SLC9D1: variants seen among roughly 807,000 people sequenced by gnomAD.
SLC9D1 encodes the protein solute carrier family 9 member D1.
At chr13:113,546,920 A>G in the SLC9D1 span, among the ~76,000 whole-genome samples, 1 of 151,742 alleles carries the variant, frequency 6.6e-6, no homozygotes. This position sits in a 1 kb window ranked among gnomAD's most constrained non-coding sequence, Gnocchi z 7.1. Flanking sequence ...TGAGCGTGGC[A>G]CTCCTGGGCA....
the SLC9D1 span, chr13:113,510,557 G>A: frequency 5.2e-6 from 4 of 772,662 alleles, no homozygotes; most frequent in African/African-American, 1.7e-5. Flanking sequence ...CCTAACCATG[G>A]TGGATACCAG....
the SLC9D1 span, among the ~76,000 whole-genome samples, chr13:113,526,866 T>C: frequency 6.6e-6 from 1 of 152,246 alleles, no homozygotes; most frequent in Non-Finnish European, 1.5e-5. Flanking sequence ...GTGTGCCATT[T>C]TTACCTTTGA....
the SLC9D1 span, among the ~76,000 whole-genome samples, chr13:113,520,094 C>A: frequency 6.6e-6 from 1 of 152,152 alleles, no homozygotes; most frequent in Non-Finnish European, 1.5e-5. Context: ...ACAAGTAAGT[C>A]GTGGAAGTAA....
At chr13:113,517,462 T>G in the SLC9D1 span, among the ~76,000 whole-genome samples, 1 of 152,124 alleles carries the variant, frequency 6.6e-6, no homozygotes, top group Admixed American at 6.5e-5. Context: ...TCTCCTGACC[T>G]CGTGATCCGC....
At chr13:113,543,154 CG>C in the SLC9D1 span, among the ~76,000 whole-genome samples, 1 of 78,882 alleles carries the variant, frequency 1.3e-5, no homozygotes, top group Non-Finnish European at 2.4e-5. Flanking sequence ...CCGTGCCCCC[CG>C]CCCTACCTCT....
chr13:113,516,502 C>T, the SLC9D1 span, among the ~76,000 whole-genome samples: 1 of 150,762 alleles, frequency 6.6e-6, no homozygotes. Context: ...GGAGGCGGAG[C>T]TTCCAGTGAG....
At chr13:113,520,410 G>T in the SLC9D1 span, 1 of 398,638 alleles carries the variant, frequency 2.5e-6, no homozygotes. Context: ...CTTGAACCCG[G>T]GAGGTGGAGG....
chr13:113,546,380 TG>T, the SLC9D1 span, among the ~76,000 whole-genome samples: 1 of 150,294 alleles, frequency 6.7e-6, no homozygotes, highest in East Asian at 2.0e-4. The surrounding 1 kb of genome is among the most constrained non-coding windows in gnomAD (Gnocchi z 7.1). Context: ...GGAGGGGCCG[TG>T]GGGAGCACTG....
chr13:113,524,534 C>T, the SLC9D1 span, among the ~76,000 whole-genome samples: 4 of 152,086 alleles, frequency 2.6e-5, no homozygotes, highest in African/African-American at 9.7e-5. Flanking sequence ...CAAGGTTTCG[C>T]CATGTTGGCC....
the SLC9D1 span, among the ~76,000 whole-genome samples, chr13:113,506,571 G>C: frequency 6.6e-6 from 1 of 151,932 alleles, no homozygotes; most frequent in Non-Finnish European, 1.5e-5. Flanking sequence ...GTGTGTGTGT[G>C]TGTGTGTGTA....
chr13:113,503,639 G>C, the SLC9D1 span: 1 of 1,253,962 alleles, frequency 8.0e-7, no homozygotes, highest in Non-Finnish European at 1.2e-6. Context: ...CACATCATGT[G>C]GTTTTGGTTC....
At chr13:113,536,143 C>T in the SLC9D1 span, among the ~76,000 whole-genome samples, 1 of 152,146 alleles carries the variant, frequency 6.6e-6, no homozygotes, top group East Asian at 1.9e-4. Flanking sequence ...TTTGGGAGGC[C>T]GAGGTGGGTA....
At chr13:113,522,093 A>G in the SLC9D1 span, among the ~76,000 whole-genome samples, 48 of 152,258 alleles carry the variant, frequency 3.2e-4, no homozygotes, top group East Asian at 8.1e-3. Context: ...ACTGGCTGGA[A>G]TGTCCAGTAC....
the SLC9D1 span, among the ~76,000 whole-genome samples, chr13:113,535,845 C>T: frequency 6.6e-6 from 1 of 150,404 alleles, no homozygotes; most frequent in Non-Finnish European, 1.5e-5. The surrounding 1 kb of genome is among the most constrained non-coding windows in gnomAD (Gnocchi z 4.1). Flanking sequence ...GAGTGGGGGT[C>T]TGGGGAGGGG....
At chr13:113,506,251 CTGT>C in the SLC9D1 span, among the ~76,000 whole-genome samples, 1 of 80,144 alleles carries the variant, frequency 1.2e-5, no homozygotes, top group African/African-American at 6.2e-5. Flanking sequence ...AGGAAGGAGC[CTGT>C]TATGGGTGGG....
chr13:113,526,006 A>G, the SLC9D1 span, among the ~76,000 whole-genome samples: 2 of 150,906 alleles, frequency 1.3e-5, no homozygotes, highest in African/African-American at 4.9e-5. Flanking sequence ...TTCTAGAAGA[A>G]GCCGTCGTCG....
At chr13:113,547,763 T>C in the SLC9D1 span, among the ~76,000 whole-genome samples, 5 of 152,194 alleles carry the variant, frequency 3.3e-5, no homozygotes, top group Non-Finnish European at 4.4e-5. Context: ...GAGCTGCCTG[T>C]GTCCACATTT....
chr13:113,503,739 AT>A, the SLC9D1 span: 1 of 579,402 alleles, frequency 1.7e-6, no homozygotes, highest in Non-Finnish European at 3.0e-6. Flanking sequence ...TTTGGGACAA[AT>A]TCAGAAAGAT....
At chr13:113,510,137 C>A in the SLC9D1 span, 1 of 1,111,196 alleles carries the variant, frequency 9.0e-7, no homozygotes, top group Non-Finnish European at 1.3e-6. Context: ...AAAAGCTCAG[C>A]TCTGCCTCCT....
Sources: allele counts gnomAD v4.1 joint callset (sites outside exome capture counted in the v4.1 genomes callset), GRCh38; gene constraint gnomAD v4.1.1; non-coding constraint Gnocchi (gnomAD v3.1); transcripts MANE v1.5; gene names NCBI Gene and HGNC (gene_info 2026-07-23, HGNC 2026-07-21).